The following FHIT variants were observed in gnomAD, a reference collection of about 807,000 sequenced individuals.
FHIT encodes bis(5'-adenosyl)-triphosphatase.
FHIT carries 19 observed loss-of-function variants against 17.9 expected under a neutral mutation model. That is an observed-to-expected ratio of 1.06 (90% CI 0.74 to 1.56). FHIT has a LOEUF of 1.56. Among genes scored for constraint, FHIT ranks in the 40% most tolerant of loss-of-function variants. The pLI, the probability that FHIT is intolerant of heterozygous loss-of-function variation, is 0.00. For synonymous variants in FHIT, 81 were observed against 69.7 expected (o/e 1.16, Z -0.81); for missense variants, 248 against 189.2 (o/e 1.31, Z -1.82).
chr3:59,945,539 C>CTT (rs201054302), intron 7 of FHIT, among the ~76,000 whole-genome samples: 13 of 140,774 alleles, frequency 9.2e-5, no homozygotes, highest in Non-Finnish European at 1.6e-4. Context: ...TTCCATTTGT[C>CTT]TTTTTTTTTT....
At chr3:61,032,470 T>G (rs2033055264) in intron 3 of FHIT, among the ~76,000 whole-genome samples, 1 of 152,214 alleles carries the variant, frequency 6.6e-6, no homozygotes, top group African/African-American at 2.4e-5. Flanking sequence ...AGAGCTTCTT[T>G]CATTTCCCTC....
intron 3 of FHIT, among the ~76,000 whole-genome samples, chr3:60,966,876 G>A (rs909971625): frequency 2.0e-5 from 3 of 152,202 alleles, no homozygotes; most frequent in Non-Finnish European, 4.4e-5. Context: ...CTAAGGTGCA[G>A]TATTTGATTT....
intron 5 of FHIT, among the ~76,000 whole-genome samples, chr3:60,233,795 C>T (rs1704623512): frequency 6.6e-6 from 1 of 152,038 alleles, no homozygotes; most frequent in African/African-American, 2.4e-5. Context: ...GAGTAAGTCC[C>T]ACAGGATCTG....
rs187407031 is a variant in FHIT, at chr3:60,655,673, C to T, written c.-17-118694G>A. Among the ~76,000 whole-genome samples the T allele has an allele frequency of 6.6e-5, 10 of 152,158 alleles. No homozygotes were observed. In the East Asian group the frequency reaches 9.7e-4, roughly 15 times the overall value. The stretch of plus-strand genomic sequence containing the variant: ...AGTTTTATTTATTCTGTATTCTCCT[C>T]GAACTCCCCACCCCAAGCTCTGTCA... On this transcript the variant is annotated intron_variant, in intron 4 of 9. Coordinates refer to ENST00000492590, the MANE Select transcript of FHIT (RefSeq NM_002012.4).
intron 7 of FHIT, among the ~76,000 whole-genome samples, chr3:59,987,692 G>A (rs1005836445): frequency 6.6e-6 from 1 of 151,718 alleles, no homozygotes; most frequent in Non-Finnish European, 1.5e-5. Context: ...TCATCAATCT[G>A]GCACTAAAAA....
At chr3:60,304,914 T>C (rs1708604424) in intron 5 of FHIT, among the ~76,000 whole-genome samples, 1 of 152,170 alleles carries the variant, frequency 6.6e-6, no homozygotes, top group South Asian at 2.1e-4. Context: ...AAAAATAAAA[T>C]GCCAAGAAGA....
chr3:60,541,685 G>C (rs116075294), intron 4 of FHIT, among the ~76,000 whole-genome samples: 41 of 152,288 alleles, frequency 2.7e-4, no homozygotes, highest in African/African-American at 9.6e-4. Flanking sequence ...GGTAGACTAT[G>C]AACCTGAAAC....
intron 2 of FHIT, among the ~76,000 whole-genome samples, chr3:61,147,838 A>C (rs1047987443): frequency 3.9e-5 from 6 of 151,994 alleles, no homozygotes; most frequent in African/African-American, 1.4e-4. Context: ...CCCTTGGAAA[A>C]AACTACAAAC....
At chr3:60,425,606 T>A (rs1339866698) in intron 5 of FHIT, among the ~76,000 whole-genome samples, 1 of 152,134 alleles carries the variant, frequency 6.6e-6, no homozygotes, top group East Asian at 1.9e-4. Flanking sequence ...TTTTTCCTTA[T>A]AGAAAATAGT....
intron 2 of FHIT, among the ~76,000 whole-genome samples, chr3:61,168,741 T>C (rs948910075): frequency 2.0e-5 from 3 of 152,246 alleles, no homozygotes; most frequent in Non-Finnish European, 4.4e-5. Flanking sequence ...TATTTTCTGG[T>C]TCAAGTGCAT....
intron 8 of FHIT, among the ~76,000 whole-genome samples, chr3:59,863,261 T>A (rs1407254456): frequency 6.6e-6 from 1 of 152,226 alleles, no homozygotes; most frequent in African/African-American, 2.4e-5. Context: ...GCCTGCTTTG[T>A]GACGCACATC....
chr3:60,712,488 G>C (rs1213053650), intron 4 of FHIT, among the ~76,000 whole-genome samples: 4 of 151,388 alleles, frequency 2.6e-5, no homozygotes, highest in African/African-American at 4.8e-5. Flanking sequence ...TGGCAAACTG[G>C]ATAAAGAGTC....
At chr3:60,143,340 T>C (rs1330183704) in intron 5 of FHIT, among the ~76,000 whole-genome samples, 1 of 152,104 alleles carries the variant, frequency 6.6e-6, no homozygotes, top group Non-Finnish European at 1.5e-5. Flanking sequence ...TGGGGAGAAG[T>C]GACAGTGCAT....
intron 3 of FHIT, among the ~76,000 whole-genome samples, chr3:60,970,945 T>C (rs1709977339): frequency 6.6e-6 from 1 of 152,238 alleles, no homozygotes; most frequent in Admixed American, 6.5e-5. Context: ...TCTCTCCAAA[T>C]ATATTATTTT....
rs576900635 is a variant in FHIT at position 60,841,875 on chromosome 3, T to A, written c.-110-19864A>T. ...GGCTACTAAATATTAAAAAAAAATT[T>A]CTGATATTTCCATACATGAAGATGT... is the stretch of plus-strand genomic sequence containing the variant. On this transcript the variant is annotated intron_variant, in intron 3 of 9. Transcript: ENST00000492590. Among the ~76,000 whole-genome samples the A allele has an allele frequency of 4.7e-4, 72 of 152,250 alleles. 1 individual carries two copies. Among genetic ancestry groups the A allele is most frequent in the Middle Eastern group, 3.4e-3 (1 of 294 alleles).
chr3:60,932,409 A>G (rs1453936940), intron 3 of FHIT, among the ~76,000 whole-genome samples: 4 of 151,902 alleles, frequency 2.6e-5, no homozygotes, highest in African/African-American at 9.7e-5. Context: ...ACTGATCTCT[A>G]CAGACTCATC....
In FHIT at chr3:59,816,164, G is replaced by A. The variant is rs113956203; in HGVS notation, c.349-63843C>T. 1.7e-3 allele frequency among the ~76,000 whole-genome samples: 263 copies of A among 152,290 alleles called. 2 individuals are homozygous for A. Among genetic ancestry groups the A allele is most frequent in the African/African-American group, 5.7e-3 (238 of 41,558 alleles). ...AGACTGAATAACTGTGAGACTGTGGGCAAGCTGGTGAGTTCTTCTGTGCCT... is the reference window on the plus strand; with the variant it reads ...AGACTGAATAACTGTGAGACTGTGGACAAGCTGGTGAGTTCTTCTGTGCCT... On this transcript the variant is annotated intron_variant, in intron 8 of 9. Transcript: ENST00000492590.
At chr3:60,606,735 C>G (rs2038620755) in intron 4 of FHIT, among the ~76,000 whole-genome samples, 1 of 152,126 alleles carries the variant, frequency 6.6e-6, no homozygotes, top group South Asian at 2.1e-4. Context: ...TTCCAGGGCT[C>G]TGAATCCTAA....
At chr3:61,207,244 C>T (rs1338914637) in intron 1 of FHIT, among the ~76,000 whole-genome samples, 2 of 152,248 alleles carry the variant, frequency 1.3e-5, no homozygotes, top group African/African-American at 4.8e-5. Flanking sequence ...AGGGTTTCTG[C>T]ATTGATGTTC....
Sources: gnomAD v4.1 joint callset for allele counts (sites outside exome capture counted in the v4.1 genomes callset) on GRCh38, gnomAD v4.1.1 for gene constraint, MANE v1.5 for transcripts, NCBI Gene and HGNC (gene_info 2026-07-23, HGNC 2026-07-21) for gene names.